CCDC178: variants seen among roughly 807,000 people sequenced by gnomAD.
CCDC178 encodes the protein coiled-coil domain-containing protein 178.
A neutral mutation model predicts 117.4 loss-of-function variants in CCDC178; 126 were observed. The ratio of observed to expected loss-of-function variants is 1.07; its 90% CI spans 0.93 to 1.24. CCDC178 has a LOEUF of 1.24. Ranked by LOEUF, CCDC178 falls within the 50% of genes most tolerant of loss-of-function variation. The pLI is 0.00. For synonymous variants in CCDC178, 283 were observed against 313.4 expected (o/e 0.90, Z 1.02); for missense variants, 1,030 against 986.9 (o/e 1.04, Z -0.59).
At chr18:33,411,532 A>G (rs2063853782) in intron 3 of CCDC178, among the ~76,000 whole-genome samples, 1 of 138,962 alleles carries the variant, frequency 7.2e-6, no homozygotes, top group Non-Finnish European at 1.6e-5. Context: ...AAGATGTCAG[A>G]GCTCAAGATG....
chr18:33,313,638 A>C (rs1233767980), intron 11 of CCDC178, among the ~76,000 whole-genome samples: 2 of 152,142 alleles, frequency 1.3e-5, no homozygotes, highest in Non-Finnish European at 2.9e-5. Context: ...TGGGATCTTC[A>C]TGGAGCTACA....
At chr18:33,270,601 C>T (rs188178754) in intron 12 of CCDC178, among the ~76,000 whole-genome samples, 1 of 151,564 alleles carries the variant, frequency 6.6e-6, no homozygotes, top group East Asian at 1.9e-4. Flanking sequence ...ATACAAAATA[C>T]AGAAAGAAAA....
chr18:33,376,627 AG>A (rs2063369974), intron 5 of CCDC178, among the ~76,000 whole-genome samples: 2 of 152,162 alleles, frequency 1.3e-5, no homozygotes, highest in South Asian at 4.1e-4. Context: ...AGTAATCCCT[AG>A]TGTCTATTGA....
intron 11 of CCDC178, among the ~76,000 whole-genome samples, chr18:33,308,109 A>G (rs1297620464): frequency 6.6e-6 from 1 of 152,206 alleles, no homozygotes; most frequent in Non-Finnish European, 1.5e-5. Context: ...TAGATCCATC[A>G]ACAGCTTGCA....
At chr18:33,280,913 TGGA>T (rs765272424) in intron 12 of CCDC178, among the ~76,000 whole-genome samples, 11 of 151,818 alleles carry the variant, frequency 7.2e-5, no homozygotes, top group Middle Eastern at 3.2e-3. Flanking sequence ...TGAGAACACA[TGGA>T]CACAGGAAGG....
At chr18:32,981,351 G>A (rs1308459228) in intron 21 of CCDC178, among the ~76,000 whole-genome samples, 4 of 152,050 alleles carry the variant, frequency 2.6e-5, no homozygotes, top group Non-Finnish European at 4.4e-5. Context: ...GGAAGGAGGG[G>A]AATAATAATA....
intron 21 of CCDC178, among the ~76,000 whole-genome samples, chr18:33,018,726 G>A (rs1056185199): frequency 5.3e-5 from 8 of 151,994 alleles, no homozygotes; most frequent in African/African-American, 1.9e-4. Flanking sequence ...AGAAGTTACA[G>A]CAACTGAAAT....
chr18:33,019,791 T>C (rs1426120639), intron 21 of CCDC178, among the ~76,000 whole-genome samples: 1 of 152,028 alleles, frequency 6.6e-6, no homozygotes, highest in East Asian at 1.9e-4. Flanking sequence ...TCACGAAGAC[T>C]CTTTGTAATA....
chr18:33,394,931 G>T lies in CCDC178; in HGVS notation c.118+2218C>A, dbSNP rs566627374. On this transcript the variant is annotated intron_variant, in intron 4 of 22. Coordinates refer to ENST00000383096, the MANE Select transcript of CCDC178 (RefSeq NM_001105528.4). ...CCACTGAAAATAACTTTAAAAGCCTGTATATGTATGTGTATATATATATAT... is the reference window on the plus strand; with the variant it reads ...CCACTGAAAATAACTTTAAAAGCCTTTATATGTATGTGTATATATATATAT... Among the ~76,000 whole-genome samples the T allele has an allele frequency of 4.7e-4, 43 of 92,008 alleles. No homozygotes were observed. The East Asian group carries it at 0.012, about 26-fold the overall frequency. 60.4% of individuals were successfully genotyped at this position (92,008 alleles called of 152,430 possible). A position where few individuals can be genotyped will look rare whatever the true frequency, so the allele number is the denominator to read the frequency against.
chr18:33,292,581 G>C (rs2060181497), intron 12 of CCDC178, among the ~76,000 whole-genome samples: 2 of 152,026 alleles, frequency 1.3e-5, no homozygotes, highest in South Asian at 4.2e-4. Context: ...CCTCGAAAGA[G>C]GGCGATTTTG....
At chr18:33,073,950 T>A (rs1352512543) in intron 21 of CCDC178, among the ~76,000 whole-genome samples, 2 of 151,878 alleles carry the variant, frequency 1.3e-5, no homozygotes, top group East Asian at 3.9e-4. Context: ...TGTATGAAAA[T>A]TTTTGGGAAT....
intron 21 of CCDC178, among the ~76,000 whole-genome samples, chr18:33,081,776 C>A (rs1029378945): frequency 2.0e-5 from 3 of 152,136 alleles, no homozygotes; most frequent in African/African-American, 7.2e-5. Context: ...AACACTATAG[C>A]CACTGCATTG....
chr18:33,154,756 A>C (rs1486069794), intron 20 of CCDC178, among the ~76,000 whole-genome samples: 1 of 152,178 alleles, frequency 6.6e-6, no homozygotes, highest in Non-Finnish European at 1.5e-5. Flanking sequence ...TGTTTCTAAA[A>C]TATCAGACAA....
chr18:33,063,993 C>A (rs564461240), intron 21 of CCDC178, among the ~76,000 whole-genome samples: 3 of 152,276 alleles, frequency 2.0e-5, no homozygotes. Context: ...GCCAAAGCAA[C>A]CTCTCCAGCC....
rs1262820000 is a variant in CCDC178, at chr18:33,366,326, C to A, written c.348+3724G>T. On this transcript the variant is annotated intron_variant, in intron 6 of 22. Coordinates refer to ENST00000383096, the MANE Select transcript of CCDC178 (RefSeq NM_001105528.4). ...GGGGTTTAAATAAACTTACACTTGGCAAATACCCCTTTCTCTTTTGCTTGT... is the reference window on the plus strand; with the variant it reads ...GGGGTTTAAATAAACTTACACTTGGAAAATACCCCTTTCTCTTTTGCTTGT... Among the ~76,000 whole-genome samples the A allele has an allele frequency of 5.3e-5, 8 of 152,094 alleles. No homozygotes were observed. The East Asian group carries it at 1.6e-3, about 30-fold the overall frequency.
At chr18:33,300,087 G>A (rs1296881007) in intron 11 of CCDC178, among the ~76,000 whole-genome samples, 1 of 152,172 alleles carries the variant, frequency 6.6e-6, no homozygotes, top group East Asian at 1.9e-4. Flanking sequence ...TCAGGATAGT[G>A]AGTGAGTTCT....
intron 21 of CCDC178, among the ~76,000 whole-genome samples, chr18:33,023,763 T>A (rs1174403498): frequency 6.6e-6 from 1 of 151,788 alleles, no homozygotes; most frequent in Middle Eastern, 3.2e-3. Context: ...AACAATAAAA[T>A]CAATAAAATA....
At chr18:33,389,475 A>G (rs2063537247) in intron 5 of CCDC178, 65 bp downstream of exon 5, 5 of 677,252 alleles carry the variant, frequency 7.4e-6, no homozygotes, top group Non-Finnish European at 1.1e-5. Flanking sequence ...TTGACATTAT[A>G]GACTAATGAG....
chr18:33,260,011 T>C (rs2059722946), intron 14 of CCDC178, among the ~76,000 whole-genome samples: 1 of 152,062 alleles, frequency 6.6e-6, no homozygotes, highest in African/African-American at 2.4e-5. Flanking sequence ...GAATTTTTAA[T>C]GTGAATACAC....
Sources: allele counts gnomAD v4.1 joint callset (sites outside exome capture counted in the v4.1 genomes callset), GRCh38; gene constraint gnomAD v4.1.1; transcripts MANE v1.5; gene names NCBI Gene and HGNC (gene_info 2026-07-23, HGNC 2026-07-21).